The following NRXN3 variants were observed in gnomAD, a reference collection of about 807,000 sequenced individuals.
NRXN3 encodes neurexin 3.
A neutral mutation model predicts 137.6 loss-of-function variants in NRXN3; 32 were observed. The observed-to-expected ratio is 0.23, with a 90% CI of 0.18 to 0.31. The LOEUF (loss-of-function observed/expected upper bound fraction) is 0.31, where lower values mean the gene tolerates loss of function less well. NRXN3 is among the 10% of genes least tolerant of loss of function. The pLI, the probability that NRXN3 is intolerant of heterozygous loss-of-function variation, is 1.00. For synonymous variants in NRXN3, 798 were observed against 784.5 expected, an observed-to-expected ratio of 1.02 and a Z score of -0.29; for missense variants, 1,574 against 2,062.5, an observed-to-expected ratio of 0.76 and a Z score of 4.59.
At chr14:79,493,812 C>A (rs1227431047) in intron 16 of NRXN3, among the ~76,000 whole-genome samples, 1 of 152,030 alleles carries the variant, frequency 6.6e-6, no homozygotes, top group Non-Finnish European at 1.5e-5. Context: ...TATTATAAGA[C>A]AAGTATTAGC....
intron 19 of NRXN3, among the ~76,000 whole-genome samples, chr14:79,779,666 A>ACC (rs766176259): frequency 6.6e-6 from 1 of 151,824 alleles, no homozygotes; most frequent in Middle Eastern, 3.4e-3. Flanking sequence ...AACTCTCTCT[A>ACC]CCCCCATCCC....
chr14:79,022,103 C>A (rs1157814040), intron 15 of NRXN3, among the ~76,000 whole-genome samples: 1 of 151,402 alleles, frequency 6.6e-6, no homozygotes, highest in African/African-American at 2.5e-5. Context: ...CTATAGGGTG[C>A]TTTTTTGAAG....
intron 10 of NRXN3, among the ~76,000 whole-genome samples, chr14:78,945,651 A>G (rs2099363690): frequency 6.6e-6 from 1 of 152,222 alleles, no homozygotes; most frequent in African/African-American, 2.4e-5. Context: ...TCTCAAGGGT[A>G]AAATGTGGTT....
chr14:79,775,746 T>G (rs565270377), intron 19 of NRXN3, among the ~76,000 whole-genome samples: 9 of 152,180 alleles, frequency 5.9e-5, no homozygotes, highest in African/African-American at 2.2e-4. Context: ...TCTAGCCAAC[T>G]CTGTAGAGGA....
intron 8 of NRXN3, among the ~76,000 whole-genome samples, chr14:78,716,557 C>T (rs1316301526): frequency 4.6e-5 from 7 of 152,106 alleles, no homozygotes; most frequent in Admixed American, 3.3e-4. Context: ...GACAGAAGAA[C>T]GTTTTGAGGA....
chr14:79,630,394 G>A (rs1275579609), intron 16 of NRXN3, among the ~76,000 whole-genome samples: 1 of 152,218 alleles, frequency 6.6e-6, no homozygotes, highest in Non-Finnish European at 1.5e-5. Context: ...GCCTAGTTGA[G>A]AAAACATTCC....
intron 4 of NRXN3, among the ~76,000 whole-genome samples, chr14:78,299,701 C>T (rs2076693968): frequency 6.6e-6 from 1 of 152,104 alleles, no homozygotes; most frequent in Non-Finnish European, 1.5e-5. Context: ...AGGCTAAATC[C>T]CAACACTGGT....
intron 4 of NRXN3, among the ~76,000 whole-genome samples, chr14:78,427,297 A>G (rs1014473440): frequency 1.3e-5 from 2 of 152,222 alleles, no homozygotes; most frequent in Non-Finnish European, 2.9e-5. Context: ...AAATCTGCTG[A>G]TAAAAGTACC....
At chr14:79,457,419 TG>T (rs1382692385) in intron 15 of NRXN3, among the ~76,000 whole-genome samples, 2 of 152,204 alleles carry the variant, frequency 1.3e-5, no homozygotes, top group Non-Finnish European at 2.9e-5. Context: ...CTCTTTCAGA[TG>T]ATGAGGTAGA....
chr14:78,600,349 T>C (rs1372184517), intron 4 of NRXN3, among the ~76,000 whole-genome samples: 3 of 152,166 alleles, frequency 2.0e-5, no homozygotes, highest in Non-Finnish European at 4.4e-5. Flanking sequence ...CATATGACCT[T>C]CCCTACTACA....
intron 20 of NRXN3, among the ~76,000 whole-genome samples, chr14:79,830,978 T>C (rs1359312802): frequency 1.3e-5 from 2 of 152,058 alleles, no homozygotes; most frequent in Non-Finnish European, 2.9e-5. Flanking sequence ...AGATGACAAG[T>C]ATTAAGTTGA....
chr14:78,422,048 T>C (rs2153678355), intron 4 of NRXN3, among the ~76,000 whole-genome samples: 1 of 152,232 alleles, frequency 6.6e-6, no homozygotes, highest in South Asian at 2.1e-4. Flanking sequence ...GAGTCTGGGG[T>C]AAACAAGTGG....
At chr14:79,291,525 T>C (rs955691709) in intron 15 of NRXN3, among the ~76,000 whole-genome samples, 1 of 151,326 alleles carries the variant, frequency 6.6e-6, no homozygotes, top group African/African-American at 2.4e-5. Context: ...CAGCCCATTT[T>C]CCCACTTTAA....
chr14:79,327,819 C>T (rs953831642), intron 15 of NRXN3, among the ~76,000 whole-genome samples: 26 of 152,300 alleles, frequency 1.7e-4, no homozygotes, highest in African/African-American at 6.3e-4. Flanking sequence ...ACCACAGGCT[C>T]ACAGCATGGC....
intron 8 of NRXN3, among the ~76,000 whole-genome samples, chr14:78,786,252 A>G (rs551584679): frequency 5.3e-5 from 8 of 152,322 alleles, no homozygotes; most frequent in Non-Finnish European, 7.4e-5. Context: ...AATCTACCCT[A>G]ATGATTTGGG....
intron 16 of NRXN3, among the ~76,000 whole-genome samples, chr14:79,525,590 C>T (rs74070273): frequency 0.027 from 4,155 of 152,268 alleles, 192 homozygotes; most frequent in African/African-American, 0.095. Context: ...TTAAAATATA[C>T]TCTTTGCATA....
chr14:78,337,879 T>C (rs1490903744), intron 4 of NRXN3, among the ~76,000 whole-genome samples: 2 of 152,102 alleles, frequency 1.3e-5, no homozygotes, highest in Non-Finnish European at 2.9e-5. Flanking sequence ...AGTATATAGT[T>C]GGGTGGACTC....
chr14:79,361,891 A>G (rs2093693326), intron 15 of NRXN3, among the ~76,000 whole-genome samples: 1 of 152,052 alleles, frequency 6.6e-6, no homozygotes, highest in Admixed American at 6.6e-5. Context: ...CATGGCTGCA[A>G]TCTATGACTT....
chr14:79,746,860 A>T lies in NRXN3; in HGVS notation c.4014+48923A>T, dbSNP rs543214035. ...GACAGTTACTTCTTAAAGAACCCCTAAAACTATTTAGACAGTTACTTCTTA... is the reference window on the plus strand; with the variant it reads ...GACAGTTACTTCTTAAAGAACCCCTTAAACTATTTAGACAGTTACTTCTTA... On this transcript the variant is annotated intron_variant, in intron 19 of 20. Coordinates refer to ENST00000335750, the MANE Select transcript of NRXN3 (RefSeq NM_001330195.2). 1.5e-3 allele frequency among the ~76,000 whole-genome samples: 236 copies of T among 152,274 alleles called. 1 individual carries two copies. The highest frequency in any genetic ancestry group is 3.3e-3 in the East Asian group (17 of 5,182).
Sources: gnomAD v4.1 joint callset for allele counts (sites outside exome capture counted in the v4.1 genomes callset) on GRCh38, gnomAD v4.1.1 for gene constraint, MANE v1.5 for transcripts, NCBI Gene and HGNC (gene_info 2026-07-23, HGNC 2026-07-21) for gene names.